The following EYS variants were observed in gnomAD, a reference collection of about 807,000 sequenced individuals.
The protein encoded by EYS is protein eyes shut homolog.
Under a neutral mutation model 282.1 loss-of-function variants are expected in EYS, and 250 were observed. That is an observed-to-expected ratio of 0.89 (90% CI 0.80 to 0.98). EYS has a LOEUF of 0.98. Ranked by LOEUF, EYS falls within the 50% of genes least tolerant of loss-of-function variation. The pLI is 0.00. For missense variants in EYS, 4,016 were observed against 3,709.0 expected, an observed-to-expected ratio of 1.08 and a Z score of -2.15; for synonymous variants, 1,355 against 1,282.9, an observed-to-expected ratio of 1.06 and a Z score of -1.20.
chr6:64,000,349 G>A (rs1346376958), intron 33 of EYS, among the ~76,000 whole-genome samples: 8 of 150,588 alleles, frequency 5.3e-5, no homozygotes, highest in African/African-American at 1.7e-4. Context: ...CCGCCACCAC[G>A]CCAGGCTAAT....
At chr6:64,322,426 T>G (rs751771222) in intron 29 of EYS, among the ~76,000 whole-genome samples, 9 of 152,020 alleles carry the variant, frequency 5.9e-5, no homozygotes, top group Admixed American at 1.3e-4. Context: ...AGACCAAGTC[T>G]CTTATTAATA....
At chr6:64,649,886 G>A (rs1028041918) in intron 22 of EYS, among the ~76,000 whole-genome samples, 1 of 151,902 alleles carries the variant, frequency 6.6e-6, no homozygotes, top group African/African-American at 2.4e-5. Flanking sequence ...CATGGCCCAA[G>A]GAAATAGAAT....
chr6:64,617,691 T>C (rs905128445), intron 23 of EYS, among the ~76,000 whole-genome samples, 158 bp from the exon 24 acceptor site: 1 of 152,204 alleles, frequency 6.6e-6, no homozygotes, highest in Non-Finnish European at 1.5e-5. Context: ...GTTTATCAGG[T>C]AGCTCTTATT....
At chr6:65,626,848 A>G (rs1766711490) in intron 2 of EYS, among the ~76,000 whole-genome samples, 1 of 151,556 alleles carries the variant, frequency 6.6e-6, no homozygotes, top group South Asian at 2.1e-4. Context: ...TATTGTATGG[A>G]CTCATAAGAA....
At position 65,675,286 on chromosome 6, in the gene EYS, A is replaced by T. The variant is rs182630408; in HGVS notation, c.-448+31849T>A. On this transcript the variant is annotated intron_variant, in intron 1 of 42. Coordinates refer to ENST00000503581, the MANE Select transcript of EYS (RefSeq NM_001142800.2). ...TAAATATTTTAAATATAAACAAATT[A>T]AAATCCCCAATAAAAAGATACAGAG... Among the ~76,000 whole-genome samples the T allele has an allele frequency of 2.1e-3, 318 of 151,960 alleles. 2 individuals carry two copies. Among genetic ancestry groups the T allele is most frequent in the Non-Finnish European group, 3.5e-3 (237 of 67,834 alleles).
intron 7 of EYS, among the ~76,000 whole-genome samples, chr6:65,386,793 G>T (rs890916967): frequency 6.6e-6 from 1 of 151,882 alleles, no homozygotes; most frequent in African/African-American, 2.4e-5. Context: ...AATACAGGGG[G>T]AGAGAAAAGG....
intron 12 of EYS, among the ~76,000 whole-genome samples, chr6:65,185,227 A>G (rs1041147678): frequency 2.0e-5 from 3 of 151,838 alleles, no homozygotes; most frequent in African/African-American, 7.2e-5. Context: ...TCTTATGAAG[A>G]CTAGAGAGTA....
chr6:64,696,678 C>A (rs1481194950), intron 22 of EYS, among the ~76,000 whole-genome samples: 1 of 151,936 alleles, frequency 6.6e-6, no homozygotes, highest in Non-Finnish European at 1.5e-5. Flanking sequence ...GCCATACTGG[C>A]CAGAAATAAT....
At chr6:65,058,999 A>C (rs574498146) in intron 12 of EYS, among the ~76,000 whole-genome samples, 1 of 152,258 alleles carries the variant, frequency 6.6e-6, no homozygotes, top group Non-Finnish European at 1.5e-5. Context: ...AATAGGAATC[A>C]ACGTACTGGA....
At chr6:64,585,311 C>T (rs1049577545) in intron 26 of EYS, among the ~76,000 whole-genome samples, 1 of 152,002 alleles carries the variant, frequency 6.6e-6, no homozygotes, top group Non-Finnish European at 1.5e-5. Context: ...ACACTTTGGA[C>T]TAGTAGAAGT....
chr6:65,420,654 G>C (rs970951007), intron 5 of EYS, among the ~76,000 whole-genome samples: 1 of 151,832 alleles, frequency 6.6e-6, no homozygotes, highest in African/African-American at 2.4e-5. Context: ...ACTTTGCTTA[G>C]ATCCATCAGA....
At position 64,256,525 on chromosome 6, in the gene EYS, C is replaced by A. The variant is rs76413796; in HGVS notation, c.6192-25701G>T. 3.0e-3 allele frequency among the ~76,000 whole-genome samples: 449 copies of A among 152,094 alleles called. 4 individuals are homozygous for A. Among genetic ancestry groups the A allele is most frequent in the African/African-American group, 0.01 (421 of 41,528 alleles). On this transcript the variant is annotated intron_variant, in intron 30 of 42. Coordinates refer to ENST00000503581, the MANE Select transcript of EYS (RefSeq NM_001142800.2). Reference sequence around the variant, plus strand: ...GGATTTGGCTACTATTGTCTTTCAACACTACCAGTTTTCTTTTTATTGCTA... The same window carrying A: ...GGATTTGGCTACTATTGTCTTTCAAAACTACCAGTTTTCTTTTTATTGCTA...
chr6:64,868,326 T>C (rs1025680379), intron 19 of EYS, among the ~76,000 whole-genome samples: 1 of 151,458 alleles, frequency 6.6e-6, no homozygotes, highest in African/African-American at 2.4e-5. Context: ...ATAGTGACAA[T>C]TTTTTCTAAC....
rs746398596 is a variant in EYS, at chr6:64,388,724, A to T, written c.6044T>A (p.Ile2015Asn). The T allele has an allele frequency of 8.4e-6, 13 of 1,542,280 alleles. No individual in the cohort carries two copies. The South Asian group carries it at 1.6e-4, about 19-fold the overall frequency. The change falls in exon 29 of 43, where the codon ATT becomes AAT. Residue 2015 changes from isoleucine (I) to asparagine (N), a missense_variant. Transcript: ENST00000503581. ...KPLPKSGSVF[I>N]GGFPDLHGKI... ...CCCATGAAGGTCTGGAAATCCACCAATGAAGACAGATCCTGATTTTGGCAG... is the reference window on the plus strand; with the variant it reads ...CCCATGAAGGTCTGGAAATCCACCATTGAAGACAGATCCTGATTTTGGCAG...
chr6:65,647,690 A>C (rs577595391), intron 1 of EYS, among the ~76,000 whole-genome samples: 24 of 152,240 alleles, frequency 1.6e-4, no homozygotes, highest in Non-Finnish European at 3.1e-4. Flanking sequence ...TTAACCAAAA[A>C]GCTTTTGCTC....
intron 31 of EYS, among the ~76,000 whole-genome samples, chr6:64,139,722 G>A (rs942920536): frequency 1.3e-5 from 2 of 152,040 alleles, no homozygotes; most frequent in African/African-American, 4.8e-5. Flanking sequence ...TGTAATCCCA[G>A]CACTTTGGGA....
At chr6:64,758,739 GC>G (rs1315686094) in intron 22 of EYS, among the ~76,000 whole-genome samples, 15 of 152,144 alleles carry the variant, frequency 9.9e-5, no homozygotes, top group African/African-American at 3.6e-4. Context: ...GGGAGATGGA[GC>G]TAAAGTCTAT....
intron 11 of EYS, among the ~76,000 whole-genome samples, chr6:65,317,879 T>TTTCTTTCC (rs1769353529): frequency 1.4e-5 from 1 of 71,592 alleles, no homozygotes; most frequent in Non-Finnish European, 2.8e-5. Flanking sequence ...TCTTTCTTTC[T>TTTCTTTCC]TTCTTTCAGA....
At chr6:65,670,615 T>C (rs546567906) in intron 1 of EYS, among the ~76,000 whole-genome samples, 1 of 152,036 alleles carries the variant, frequency 6.6e-6, no homozygotes, top group African/African-American at 2.4e-5. Flanking sequence ...CTGAGAAATT[T>C]GAACAATTGA....
Sources: gnomAD v4.1 joint callset for allele counts (sites outside exome capture counted in the v4.1 genomes callset) on GRCh38, gnomAD v4.1.1 for gene constraint, MANE v1.5 for transcripts, NCBI Gene and HGNC (gene_info 2026-07-23, HGNC 2026-07-21) for gene names.